Variants in TRABD2A observed in about 807,000 individuals in gnomAD.
The protein encoded by TRABD2A is metalloprotease TIKI1.
In TRABD2A, 43 loss-of-function variants were observed where a neutral mutation model predicts 45.6. The ratio of observed to expected loss-of-function variants is 0.94; its 90% confidence interval spans 0.74 to 1.22. TRABD2A has a LOEUF of 1.22. TRABD2A is among the 50% of genes most tolerant of loss of function. The pLI is 0.00. For missense variants in TRABD2A, 642 were observed against 652.4 expected (o/e 0.98, Z 0.17); for synonymous variants, 269 against 265.0 (o/e 1.02, Z -0.15).
At chr2:84,851,466 T>C (rs1396594802) in intron 2 of TRABD2A, among the ~76,000 whole-genome samples, 1 of 152,240 alleles carries the variant, frequency 6.6e-6, no homozygotes, top group East Asian at 1.9e-4. Flanking sequence ...TCTTACCCAA[T>C]GCTTAATCCC....
rs981675787 is a variant in TRABD2A at position 84,871,399 on chromosome 2, C to T, written c.109-614G>A. Among the ~76,000 whole-genome samples, 7 of 152,324 alleles carry T rather than the reference C, an allele frequency of 4.6e-5. No individual in the cohort carries two copies. The South Asian group carries it at 1.4e-3, about 32-fold the overall frequency. Reference sequence around the variant, plus strand: ...AACTCTAGCTATGCACTGGAATCACCCCCAAAGCTTTTGAAAGTCCAATGC... The same window carrying T: ...AACTCTAGCTATGCACTGGAATCACTCCCAAAGCTTTTGAAAGTCCAATGC... On this transcript the variant is annotated intron_variant, in intron 1 of 6. Coordinates refer to ENST00000409520, the MANE Select transcript of TRABD2A (RefSeq NM_001277053.2).
At chr2:84,844,077 A>G (rs1282608639) in intron 2 of TRABD2A, 1 of 152,036 alleles carries the variant, frequency 6.6e-6, no homozygotes, top group Non-Finnish European at 1.5e-5. Context: ...CTGTCTTGGT[A>G]CCCTCTAGAC....
At chr2:84,878,614 C>T (rs983209854) in intron 1 of TRABD2A, among the ~76,000 whole-genome samples, 2 of 151,436 alleles carry the variant, frequency 1.3e-5, no homozygotes, top group African/African-American at 4.9e-5. Context: ...CTGCGTGGTG[C>T]TCAGGGTAAA....
chr2:84,841,522 CA>C (rs753758481), intron 3 of TRABD2A, among the ~76,000 whole-genome samples: 2 of 152,224 alleles, frequency 1.3e-5, no homozygotes, highest in Admixed American at 6.5e-5. Context: ...CATCATTTTG[CA>C]AAAGTATGAC....
chr2:84,821,694 T>C lies in TRABD2A; in HGVS notation c.*223A>G, dbSNP rs1681003273. Reference sequence around the variant, plus strand: ...ATTTTCATACAACTCATTTATAATTTATTTTCACACAACTCACTATGTTAC... The same window carrying C: ...ATTTTCATACAACTCATTTATAATTCATTTTCACACAACTCACTATGTTAC... On this transcript the variant is annotated 3_prime_UTR_variant, in exon 7 of 7. Transcript: ENST00000409520. 1 of 393,852 alleles carries C rather than the reference T, an allele frequency of 2.5e-6. No homozygotes were observed. Among genetic ancestry groups the C allele is most frequent in the East Asian group, 3.8e-5 (1 of 26,462 alleles). The allele number at this position is 393,852 out of a possible 1,614,324, so 24.4% of individuals were successfully genotyped here. A position where few individuals can be genotyped will look rare whatever the true frequency, so the allele number is the denominator to read the frequency against.
At chr2:84,834,054 G>A (rs1358270601) in intron 4 of TRABD2A, 2 of 152,340 alleles carry the variant, frequency 1.3e-5, no homozygotes, top group African/African-American at 2.4e-5. Flanking sequence ...AAGTCTGGCA[G>A]GGGTGGAAAG....
chr2:84,829,361 GC>G (rs1343527766), intron 5 of TRABD2A, among the ~76,000 whole-genome samples: 2 of 81,196 alleles, frequency 2.5e-5, no homozygotes, highest in African/African-American at 1.5e-4. Flanking sequence ...GGAACAACCA[GC>G]AACACACACA....
intron 2 of TRABD2A, among the ~76,000 whole-genome samples, chr2:84,863,576 G>C (rs12479420): frequency 7.1e-6 from 1 of 140,068 alleles, no homozygotes; most frequent in African/African-American, 2.6e-5. Context: ...ATAGCTCTTA[G>C]AAAGGCTCTA....
At chr2:84,863,954 A>C (rs1199936944) in intron 2 of TRABD2A, among the ~76,000 whole-genome samples, 1 of 151,974 alleles carries the variant, frequency 6.6e-6, no homozygotes, top group Non-Finnish European at 1.5e-5. Context: ...TCTTCAACCA[A>C]CTTCCAAATC....
intron 2 of TRABD2A, among the ~76,000 whole-genome samples, chr2:84,847,970 G>A (rs892855268): frequency 7.2e-5 from 11 of 152,162 alleles, no homozygotes; most frequent in African/African-American, 2.7e-4. Flanking sequence ...CTTCCCACAT[G>A]TGTATCTATC....
At chr2:84,866,538 C>T (rs1453407403) in intron 2 of TRABD2A, among the ~76,000 whole-genome samples, 1 of 152,100 alleles carries the variant, frequency 6.6e-6, no homozygotes, top group African/African-American at 2.4e-5. Flanking sequence ...AACAATTTCC[C>T]TTTGCAAAAT....
chr2:84,855,790 G>A (rs1682277947), intron 2 of TRABD2A, among the ~76,000 whole-genome samples: 1 of 152,130 alleles, frequency 6.6e-6, no homozygotes, highest in Admixed American at 6.5e-5. Context: ...GCTGTGGGGA[G>A]ACCCAAGTCC....
At chr2:84,859,967 T>C (rs918734952) in intron 2 of TRABD2A, among the ~76,000 whole-genome samples, 2 of 151,996 alleles carry the variant, frequency 1.3e-5, no homozygotes, top group Non-Finnish European at 2.9e-5. Flanking sequence ...GGTCTCACTA[T>C]GTTGTCCAGG....
chr2:84,821,817 T>G lies in TRABD2A; in HGVS notation c.*100A>C. ...GGCCGCTTTTTCAAGAGCAGTCTCT[T>G]CTGGATTGGGCCCAACAAGGCTAGA... On this transcript the variant is annotated 3_prime_UTR_variant, in exon 7 of 7. Coordinates refer to ENST00000409520, the MANE Select transcript of TRABD2A (RefSeq NM_001277053.2). 1 of 1,301,368 alleles carries G rather than the reference T, an allele frequency of 7.7e-7. No individual in the cohort carries two copies. 80.6% of individuals were successfully genotyped at this position (1,301,368 alleles called of 1,614,324 possible).
At position 84,864,668 on chromosome 2, in the gene TRABD2A, A is replaced by T. The variant is rs546914637; in HGVS notation, c.669+5557T>A. Among the ~76,000 whole-genome samples the T allele has an allele frequency of 2.0e-5, 3 of 151,528 alleles. No individual in the cohort carries two copies. The South Asian group carries it at 6.3e-4, about 32-fold the overall frequency. On this transcript the variant is annotated intron_variant, in intron 2 of 6. Coordinates refer to ENST00000409520, the MANE Select transcript of TRABD2A (RefSeq NM_001277053.2). Reference sequence around the variant, plus strand: ...CATCCCCAGTGACCTCTGCTGGCTGACCCCCCACAATCTTGCCTTGGCCTC... The same window carrying T: ...CATCCCCAGTGACCTCTGCTGGCTGTCCCCCCACAATCTTGCCTTGGCCTC...
At chr2:84,827,501 T>A (rs1251367534) in intron 5 of TRABD2A, among the ~76,000 whole-genome samples, 1 of 152,194 alleles carries the variant, frequency 6.6e-6, no homozygotes, top group Admixed American at 6.5e-5. Context: ...CCCAGTCTTC[T>A]GAGAATGAAT....
At chr2:84,869,228 T>A (rs1272045875) in intron 2 of TRABD2A, among the ~76,000 whole-genome samples, 3 of 152,242 alleles carry the variant, frequency 2.0e-5, no homozygotes, top group Non-Finnish European at 4.4e-5. Flanking sequence ...TCTCAAATTC[T>A]GAGGAACAAA....
At chr2:84,835,243 G>A (rs1439172519) in intron 4 of TRABD2A, 1 of 152,190 alleles carries the variant, frequency 6.6e-6, no homozygotes, top group African/African-American at 2.4e-5. Flanking sequence ...GAGGTCACTA[G>A]AGGAAACTGA....
At chr2:84,827,790 A>C (rs535402653) in intron 5 of TRABD2A, among the ~76,000 whole-genome samples, 2 of 152,194 alleles carry the variant, frequency 1.3e-5, no homozygotes, top group African/African-American at 4.8e-5. Flanking sequence ...TGACTATGGA[A>C]GAATGGTTAT....
Sources: allele counts gnomAD v4.1 joint callset (sites outside exome capture counted in the v4.1 genomes callset), GRCh38; gene constraint gnomAD v4.1.1; transcripts MANE v1.5; gene names NCBI Gene and HGNC (gene_info 2026-07-23, HGNC 2026-07-21).